The following ARHGAP26 variants were observed in gnomAD, a reference collection of about 807,000 sequenced individuals.
The protein encoded by ARHGAP26 is Rho GTPase activating protein 26.
In ARHGAP26, 38 loss-of-function variants were observed where a neutral mutation model predicts 104.8. The observed-to-expected ratio is 0.36, with a 90% CI of 0.28 to 0.48. The LOEUF is 0.48. Among genes scored for constraint, ARHGAP26 ranks in the 20% least tolerant of loss-of-function variants. The pLI, the probability that ARHGAP26 is intolerant of heterozygous loss-of-function variation, is 0.99. For missense variants in ARHGAP26, 704 were observed against 947.9 expected, an observed-to-expected ratio of 0.74 and a Z score of 3.38; for synonymous variants, 341 against 340.0, an observed-to-expected ratio of 1.00 and a Z score of -0.03.
chr5:142,854,554 A>G (rs6868027), intron 1 of ARHGAP26, among the ~76,000 whole-genome samples: 2,234 of 152,358 alleles, frequency 0.015, 59 homozygotes, highest in African/African-American at 0.051. Flanking sequence ...CAGAATAAAT[A>G]TATGACACTG....
In ARHGAP26 at chr5:142,966,861, C is replaced by T. The variant is rs1771443296; in HGVS notation, c.1107+34736C>T. Among the ~76,000 whole-genome samples, 3 of 152,146 alleles carry T rather than the reference C, an allele frequency of 2.0e-5. No homozygotes were observed. The South Asian group carries it at 6.2e-4, about 32-fold the overall frequency. On this transcript the variant is annotated intron_variant, in intron 11 of 22. Coordinates refer to ENST00000645722, the MANE Select transcript of ARHGAP26 (RefSeq NM_001135608.3). ...TTTAGCCAACAGGGCAATAAGTAAA[C>T]TATGGTATGACAACCCTCTGAATGC...
At chr5:142,984,106 G>A (rs763383194) in intron 11 of ARHGAP26, among the ~76,000 whole-genome samples, 1 of 152,180 alleles carries the variant, frequency 6.6e-6, no homozygotes, top group Admixed American at 6.5e-5. Context: ...GTAGGCTTTT[G>A]TCTTCCTTGT....
intron 17 of ARHGAP26, among the ~76,000 whole-genome samples, chr5:143,058,996 C>T (rs181839007): frequency 2.7e-4 from 41 of 152,220 alleles, no homozygotes; most frequent in African/African-American, 9.1e-4. Context: ...CAAAGAATCC[C>T]GATGAAGCAT....
intron 6 of ARHGAP26, among the ~76,000 whole-genome samples, chr5:142,896,875 T>A (rs1320603811): frequency 6.6e-6 from 1 of 152,224 alleles, no homozygotes; most frequent in African/African-American, 2.4e-5. Flanking sequence ...GAGGATTGAC[T>A]GAGTGTTTAT....
chr5:142,885,057 G>A (rs528460753), intron 4 of ARHGAP26, among the ~76,000 whole-genome samples: 1 of 152,260 alleles, frequency 6.6e-6, no homozygotes, highest in Non-Finnish European at 1.5e-5. Flanking sequence ...TCTTGGCTTT[G>A]CCACCATTAG....
At chr5:142,971,589 A>AT (rs777115959) in intron 11 of ARHGAP26, among the ~76,000 whole-genome samples, 21 of 151,478 alleles carry the variant, frequency 1.4e-4, no homozygotes, top group East Asian at 3.9e-4. Context: ...GTACCTGCTG[A>AT]TTTTTTTTTA....
chr5:142,963,179 T>TATATACATAC (rs1598406876), intron 11 of ARHGAP26, among the ~76,000 whole-genome samples: 1 of 104,126 alleles, frequency 9.6e-6, no homozygotes, highest in Admixed American at 8.9e-5. Flanking sequence ...TATGTATATA[T>TATATACATAC]ATATATATAT....
intron 20 of ARHGAP26, among the ~76,000 whole-genome samples, chr5:143,179,112 A>C (rs527325382): frequency 2.0e-5 from 3 of 152,098 alleles, no homozygotes; most frequent in African/African-American, 4.8e-5. Context: ...TTAGCGATCC[A>C]CCTGCCTCAG....
intron 1 of ARHGAP26, among the ~76,000 whole-genome samples, chr5:142,806,473 ATGTGTGTGTG>A (rs34179083): frequency 1.5e-4 from 22 of 147,776 alleles, no homozygotes; most frequent in African/African-American, 4.0e-4. Context: ...AGGCAATGAA[ATGTGTGTGTG>A]TGTGTGTGTG....
rs1050444724 is a variant in ARHGAP26 at position 142,853,842 on chromosome 5, C to T, written c.155-19558C>T. On this transcript the variant is annotated intron_variant, in intron 1 of 22. Transcript: ENST00000645722. ...CAAGCTTCCAGAGAGTTGGGTTATG[C>T]GTGTTTCTGTTTGTAGTGTAATGGG... 5.9e-5 allele frequency among the ~76,000 whole-genome samples: 9 copies of T among 152,196 alleles called. No homozygotes were observed. The South Asian group carries it at 6.2e-4, about 11-fold the overall frequency.
rs148176817 is a variant in ARHGAP26 at position 143,014,477 on chromosome 5, G to C, written c.1144+361G>C. 519 of 222,814 alleles carry C rather than the reference G, an allele frequency of 2.3e-3. 3 individuals carry two copies. The highest frequency in any genetic ancestry group is 0.011 in the African/African-American group (485 of 44,046). 13.8% of individuals were successfully genotyped at this position (222,814 alleles called of 1,614,324 possible). On this transcript the variant is annotated intron_variant, in intron 12 of 22. Coordinates refer to ENST00000645722, the MANE Select transcript of ARHGAP26 (RefSeq NM_001135608.3). The stretch of plus-strand genomic sequence containing the variant: ...CTCAACTCCTGGAGAGCCTTATCCT[G>C]TGGGAAAGCCAAAGTTGCTGTTGCC...
chr5:142,903,043 C>A (rs1012597294), intron 7 of ARHGAP26, among the ~76,000 whole-genome samples: 8 of 152,180 alleles, frequency 5.3e-5, no homozygotes, highest in Non-Finnish European at 1.2e-4. Context: ...GGCTTTCAAC[C>A]CCCTTCTGCC....
intron 11 of ARHGAP26, among the ~76,000 whole-genome samples, chr5:142,940,190 G>A (rs779896741): frequency 5.2e-4 from 79 of 152,156 alleles, no homozygotes; most frequent in Non-Finnish European, 1.0e-3. Context: ...TGACACTTGC[G>A]TTTTCCTTTC....
chr5:143,154,531 C>T (rs960955622), intron 20 of ARHGAP26, among the ~76,000 whole-genome samples: 5 of 152,158 alleles, frequency 3.3e-5, no homozygotes, highest in Admixed American at 6.5e-5. Flanking sequence ...TGTATTTTTC[C>T]TGTGCAGAGA....
chr5:143,216,368 A>C, intron 22 of ARHGAP26: 1 of 461,062 alleles, frequency 2.2e-6, no homozygotes, highest in Non-Finnish European at 4.5e-6. Flanking sequence ...AATGGCATTA[A>C]AGCCCTTCAG....
At chr5:142,963,282 C>T (rs1275115537) in intron 11 of ARHGAP26, among the ~76,000 whole-genome samples, 4 of 147,652 alleles carry the variant, frequency 2.7e-5, no homozygotes, top group Admixed American at 1.4e-4. Context: ...AGATTGATTC[C>T]GTGACTTTGC....
At chr5:142,926,449 A>G (rs1001573788) in intron 10 of ARHGAP26, among the ~76,000 whole-genome samples, 4 of 152,230 alleles carry the variant, frequency 2.6e-5, no homozygotes, top group Non-Finnish European at 4.4e-5. Context: ...GTTGAGCTCT[A>G]CAGAGGATTT....
intron 10 of ARHGAP26, chr5:142,919,496 T>A (rs796485305): frequency 7.5e-6 from 3 of 398,036 alleles, no homozygotes; most frequent in African/African-American, 6.2e-5. Flanking sequence ...GAACGCAGTT[T>A]GAATAGGGAG....
At chr5:143,006,054 G>A (rs1309425641) in intron 11 of ARHGAP26, among the ~76,000 whole-genome samples, 1 of 152,224 alleles carries the variant, frequency 6.6e-6, no homozygotes, top group African/African-American at 2.4e-5. Flanking sequence ...CTAACACACA[G>A]GGGTGGAACA....
Sources: gnomAD v4.1 joint callset for allele counts (sites outside exome capture counted in the v4.1 genomes callset) on GRCh38, gnomAD v4.1.1 for gene constraint, MANE v1.5 for transcripts, NCBI Gene and HGNC (gene_info 2026-07-23, HGNC 2026-07-21) for gene names.